The following PRSS3 variants were observed in gnomAD, a reference collection of about 807,000 sequenced individuals.
PRSS3 encodes the protein serine protease 3.
A neutral mutation model predicts 20.8 loss-of-function variants in PRSS3; 14 were observed. The ratio of observed to expected loss-of-function variants is 0.67; its 90% confidence interval spans 0.44 to 1.05. The LOEUF (loss-of-function observed/expected upper bound fraction) is 1.05, where lower values mean the gene tolerates loss of function less well. Among genes scored for constraint, PRSS3 ranks in the 50% least tolerant of loss-of-function variants. The pLI is 0.00. For synonymous variants in PRSS3, 91 were observed against 117.6 expected, an observed-to-expected ratio of 0.77 and a Z score of 1.46; for missense variants, 237 against 306.4, an observed-to-expected ratio of 0.77 and a Z score of 1.69.
At chr9:33,773,613 A>G (rs112041501) in intron 1 of PRSS3, among the ~76,000 whole-genome samples, 12 of 152,188 alleles carry the variant, frequency 7.9e-5, no homozygotes, top group South Asian at 4.1e-4. Context: ...AAAGTTGGGG[A>G]ATTTGCCTTT....
chr9:33,770,491 A>C (rs1281278141), intron 1 of PRSS3, among the ~76,000 whole-genome samples: 1 of 152,214 alleles, frequency 6.6e-6, no homozygotes, highest in Non-Finnish European at 1.5e-5. Flanking sequence ...ATGGATTTTC[A>C]GGGAGCAGAG....
intron 1 of PRSS3, among the ~76,000 whole-genome samples, chr9:33,779,520 A>T (rs1824083898): frequency 6.6e-6 from 1 of 152,200 alleles, no homozygotes; most frequent in South Asian, 2.1e-4. Flanking sequence ...TCAGAGCTTG[A>T]AGATCAGTTC....
At chr9:33,767,566 G>A (rs1823492232) in intron 1 of PRSS3, among the ~76,000 whole-genome samples, 1 of 152,026 alleles carries the variant, frequency 6.6e-6, no homozygotes, top group Non-Finnish European at 1.5e-5. Context: ...ACTCACATCC[G>A]TAATCCCAGC....
intron 1 of PRSS3, among the ~76,000 whole-genome samples, chr9:33,766,390 G>A (rs930549078): frequency 6.6e-6 from 1 of 150,998 alleles, no homozygotes; most frequent in African/African-American, 2.4e-5. Flanking sequence ...TGGCTAACAC[G>A]GTGAAACCCC....
chr9:33,790,924 G>C (rs114536934), upstream of PRSS3, among the ~76,000 whole-genome samples: 4,871 of 152,272 alleles, frequency 0.032, 263 homozygotes, highest in African/African-American at 0.11. Flanking sequence ...AGGCATTTGA[G>C]TTTAGATAAT....
chr9:33,779,393 A>G (rs1350368983), intron 1 of PRSS3, among the ~76,000 whole-genome samples: 1 of 152,244 alleles, frequency 6.6e-6, no homozygotes, highest in Non-Finnish European at 1.5e-5. Context: ...TTTGAGAATC[A>G]GAATAAACTT....
chr9:33,761,701 C>T (rs1181408522), intron 1 of PRSS3, among the ~76,000 whole-genome samples: 4 of 151,532 alleles, frequency 2.6e-5, no homozygotes, highest in Non-Finnish European at 4.4e-5. Context: ...AGCGAAACTC[C>T]GCCTCAAAAA....
chr9:33,788,376 A>G (rs2119043894), intron 1 of PRSS3, among the ~76,000 whole-genome samples: 1 of 152,308 alleles, frequency 6.6e-6, no homozygotes, highest in African/African-American at 2.4e-5. Flanking sequence ...ATTCAGAACA[A>G]GGTATTATCT....
At chr9:33,765,660 G>T (rs1178844898) in intron 1 of PRSS3, among the ~76,000 whole-genome samples, 1 of 152,200 alleles carries the variant, frequency 6.6e-6, no homozygotes, top group Non-Finnish European at 1.5e-5. Flanking sequence ...CATATCCAGG[G>T]TGGGATGGCA....
chr9:33,788,993 A>G (rs1417733779), intron 1 of PRSS3, among the ~76,000 whole-genome samples: 1 of 152,182 alleles, frequency 6.6e-6, no homozygotes, highest in Non-Finnish European at 1.5e-5. Context: ...TTATTTCTAG[A>G]AAATCCACTT....
chr9:33,753,541 G>A (rs1822791389), intron 1 of PRSS3, among the ~76,000 whole-genome samples: 1 of 152,152 alleles, frequency 6.6e-6, no homozygotes, highest in African/African-American at 2.4e-5. Flanking sequence ...GTCTGTGACA[G>A]CAAACATAAC....
Position 33,764,384 on chromosome 9 carries a change from T to C in PRSS3, c.-53+13657T>C, listed in dbSNP as rs377447540. ...CCTTGTCTCTATTAAAAATACAAAA[T>C]TAGCCAGGTGTGGTGGCACATTCCT... On this transcript the variant is annotated intron_variant, in intron 1 of 5. Coordinates refer to the PRSS3 transcript ENST00000342836. Among the ~76,000 whole-genome samples the C allele has an allele frequency of 7.9e-5, 12 of 152,176 alleles. No homozygotes were observed. In the East Asian group the frequency reaches 2.1e-3, roughly 27 times the overall value.
chr9:33,790,426 A>C (rs1824581402), intron 1 of PRSS3, among the ~76,000 whole-genome samples: 1 of 152,218 alleles, frequency 6.6e-6, no homozygotes, highest in Non-Finnish European at 1.5e-5. Context: ...AGGGTTATTT[A>C]ATTTTAAATA....
At chr9:33,751,383 G>C (rs2118684420) in intron 1 of PRSS3, among the ~76,000 whole-genome samples, 1 of 152,346 alleles carries the variant, frequency 6.6e-6, no homozygotes, top group Non-Finnish European at 1.5e-5. Flanking sequence ...GGAAGCGGAT[G>C]TCAGGCGCAG....
At position 33,799,142 on chromosome 9, in the gene PRSS3, G is replaced by C; in HGVS notation, c.706G>C (p.Val236Leu). ...AGTCTACACCAAGGTCTACAACTAT[G>C]TGGACTGGATTAAGGACACCATCGC... ...PGVYTKVYNY[V>L]DWIKDTIAAN... Residue 236 changes from valine to leucine, a missense_variant, in exon 5 of 5, where the codon GTG becomes CTG. Val to Leu is a conservative substitution (Grantham distance 32). Coordinates refer to ENST00000379405, the MANE Select transcript of PRSS3 (RefSeq NM_002771.4). 1.2e-6 allele frequency: 2 copies of C among 1,614,208 alleles called. No homozygotes were observed. Among genetic ancestry groups the C allele is most frequent in the South Asian group, 2.2e-5 (2 of 91,088 alleles).
chr9:33,798,406 T>C (rs1304589768), intron 3 of PRSS3, 80 bp from the exon 4 acceptor site: 1 of 1,585,398 alleles, frequency 6.3e-7, no homozygotes, highest in African/African-American at 1.3e-5. Context: ...TCCTCTTCAA[T>C]GTTCCATCCC....
intron 1 of PRSS3, among the ~76,000 whole-genome samples, chr9:33,759,593 G>A (rs1422463107): frequency 1.3e-5 from 2 of 152,150 alleles, no homozygotes; most frequent in African/African-American, 2.4e-5. Flanking sequence ...AAGAGAAGCC[G>A]ATTTGGTGGG....
chr9:33,772,576 G>A (rs915154180), intron 1 of PRSS3, among the ~76,000 whole-genome samples: 11 of 152,072 alleles, frequency 7.2e-5, no homozygotes, highest in African/African-American at 2.4e-4. Context: ...ATTTTTTTGT[G>A]AGACGGAGTT....
chr9:33,750,774 G>A lies in PRSS3; in HGVS notation c.-53+47G>A, dbSNP rs750795968. The A allele has an allele frequency of 2.4e-5, 34 of 1,416,550 alleles. No homozygotes were observed. Among genetic ancestry groups the A allele is most frequent in the Non-Finnish European group, 3.0e-5 (33 of 1,090,296 alleles). 87.7% of individuals were successfully genotyped at this position (1,416,550 alleles called of 1,614,324 possible). On this transcript the variant is annotated intron_variant, in intron 1 of 5. Coordinates refer to the PRSS3 transcript ENST00000342836. This position sits in a 1 kb window ranked among gnomAD's most constrained non-coding sequence, Gnocchi z 4.8. The stretch of plus-strand genomic sequence containing the variant: ...GGGGCTTGAAACTGGAGGAGGGCTC[G>A]AAGGGAGAGGGAGCCCCGCCAAGGA...
Sources: allele counts gnomAD v4.1 joint callset (sites outside exome capture counted in the v4.1 genomes callset), GRCh38; gene constraint gnomAD v4.1.1; non-coding constraint Gnocchi (gnomAD v3.1); transcripts MANE v1.5; gene names NCBI Gene and HGNC (gene_info 2026-07-23, HGNC 2026-07-21).